The following PPAT variants were observed in gnomAD, a reference collection of about 807,000 sequenced individuals.
PPAT encodes amidophosphoribosyltransferase.
PPAT carries 20 observed loss-of-function variants against 60.2 expected under a neutral mutation model. The ratio of observed to expected loss-of-function variants is 0.33; its 90% CI spans 0.23 to 0.48. The LOEUF is 0.48. Ranked by LOEUF, PPAT falls within the 20% of genes least tolerant of loss-of-function variation. The probability of loss-of-function intolerance (pLI) is 0.99; values close to 1 mark genes in which losing one functional copy is unlikely to be tolerated. For synonymous variants in PPAT, 194 were observed against 215.1 expected (o/e 0.90, Z 0.86); for missense variants, 349 against 629.6 (o/e 0.55, Z 4.77).
At chr4:56,434,598 G>T (rs144298967) in intron 1 of PPAT, among the ~76,000 whole-genome samples, 44 of 152,264 alleles carry the variant, frequency 2.9e-4, no homozygotes, top group African/African-American at 1.0e-3. Flanking sequence ...TTGGCATAGA[G>T]ACACTACTCC....
chr4:56,430,978 T>C (rs1053381530), intron 1 of PPAT, among the ~76,000 whole-genome samples: 1 of 151,646 alleles, frequency 6.6e-6, no homozygotes, highest in Non-Finnish European at 1.5e-5. Context: ...TTCAGACTAA[T>C]GCAAAAAGCT....
At chr4:56,418,587 G>A (rs1262565894) in intron 1 of PPAT, among the ~76,000 whole-genome samples, 1 of 152,062 alleles carries the variant, frequency 6.6e-6, no homozygotes, top group African/African-American at 2.4e-5. Context: ...CCAAAGTACT[G>A]GGATTACAGG....
chr4:56,434,877 T>C (rs1717810393), intron 1 of PPAT, among the ~76,000 whole-genome samples: 2 of 152,230 alleles, frequency 1.3e-5, no homozygotes, highest in South Asian at 4.1e-4. Flanking sequence ...AGCTCTGCCC[T>C]TGCAAACAAA....
intron 1 of PPAT, among the ~76,000 whole-genome samples, chr4:56,415,898 C>T (rs555289248): frequency 3.3e-5 from 5 of 152,108 alleles, no homozygotes; most frequent in African/African-American, 7.2e-5. Flanking sequence ...GGTGAAACCT[C>T]GTGTCTACTA....
At chr4:56,428,813 C>T (rs957488262) in intron 1 of PPAT, 1 of 161,692 alleles carries the variant, frequency 6.2e-6, no homozygotes, top group African/African-American at 2.4e-5. Context: ...ATTCCTAATT[C>T]TTAACTCATT....
chr4:56,432,521 G>A, intron 1 of PPAT, among the ~76,000 whole-genome samples: 1 of 122,704 alleles, frequency 8.1e-6, no homozygotes, highest in Non-Finnish European at 1.6e-5. Context: ...GTGAGACCCT[G>A]TCTCAAAAAA....
intron 7 of PPAT, 49 bp downstream of exon 7, chr4:56,401,281 G>A (rs1256825161): frequency 5.4e-6 from 8 of 1,483,786 alleles, no homozygotes; most frequent in Non-Finnish European, 7.3e-6. Context: ...GTTTCAAGGA[G>A]ATAGCTAAAA....
chr4:56,429,356 G>GA (rs981568905), intron 1 of PPAT, among the ~76,000 whole-genome samples: 4 of 151,924 alleles, frequency 2.6e-5, no homozygotes, highest in East Asian at 1.9e-4. Context: ...GATGTAAAAA[G>GA]AAAAAAATCC....
chr4:56,416,430 T>C (rs538659446), intron 1 of PPAT: 39 of 705,668 alleles, frequency 5.5e-5, no homozygotes, highest in Non-Finnish European at 6.8e-5. Context: ...GTCAGACCAA[T>C]GGAACTAGGT....
intron 1 of PPAT, among the ~76,000 whole-genome samples, chr4:56,433,264 T>C (rs1043564279): frequency 1.3e-5 from 2 of 151,852 alleles, no homozygotes; most frequent in African/African-American, 4.8e-5. Flanking sequence ...TTTTCAGTAA[T>C]ACATTTGTTC....
intron 1 of PPAT, chr4:56,416,310 T>C (rs1262680375): frequency 2.2e-5 from 5 of 232,296 alleles, no homozygotes; most frequent in Non-Finnish European, 3.5e-5. Flanking sequence ...ATTAGAATTA[T>C]CAGTCATGTT....
intron 1 of PPAT, chr4:56,422,850 AG>A (rs958977401): frequency 1.3e-5 from 2 of 152,180 alleles, no homozygotes; most frequent in Non-Finnish European, 2.9e-5. Context: ...TTTTTCTCCA[AG>A]TGTAGCAGCA....
In PPAT at chr4:56,423,830, T is replaced by C. The variant is rs926243025; in HGVS notation, c.128+11520A>G. Reference sequence around the variant, plus strand: ...ACCCACAAGGATCTCAGCAGCTAAATACGTAAGAAAAAAACTTAAACAGGC... The same window carrying C: ...ACCCACAAGGATCTCAGCAGCTAAACACGTAAGAAAAAAACTTAAACAGGC... On this transcript the variant is annotated intron_variant, in intron 1 of 10. Coordinates refer to ENST00000264220, the MANE Select transcript of PPAT (RefSeq NM_002703.5). Among the ~76,000 whole-genome samples the C allele has an allele frequency of 5.3e-5, 8 of 152,222 alleles. 1 individual carries two copies. The highest frequency in any genetic ancestry group is 3.9e-4 in the East Asian group (2 of 5,176).
intron 1 of PPAT, among the ~76,000 whole-genome samples, chr4:56,432,121 TTC>T (rs1029914265): frequency 1.4e-4 from 22 of 152,210 alleles, no homozygotes; most frequent in Admixed American, 4.6e-4. Flanking sequence ...CTTCCAGGTA[TTC>T]TGTTAACCCC....
In PPAT at chr4:56,425,711, C is replaced by G. The variant is rs193102992; in HGVS notation, c.128+9639G>C. ...ATAGCTTCAGGATAGGGGGTAGTCA[C>G]CGAAAAAGACCGACCATGTGATGAG... is the stretch of plus-strand genomic sequence containing the variant. On this transcript the variant is annotated intron_variant, in intron 1 of 10. Transcript: ENST00000264220. 6.6e-5 allele frequency among the ~76,000 whole-genome samples: 10 copies of G among 152,202 alleles called. No homozygotes were observed. In the South Asian group the frequency reaches 8.3e-4, roughly 13 times the overall value.
In PPAT at chr4:56,435,506, T is replaced by G; in HGVS notation, c.-29A>C. ...GCCGCCGAAAGCACGTGGAAGGACCTGCCGCTGCGGCCAAGGTGTAAGCAC... is the reference window on the plus strand; with the variant it reads ...GCCGCCGAAAGCACGTGGAAGGACCGGCCGCTGCGGCCAAGGTGTAAGCAC... On this transcript the variant is annotated 5_prime_UTR_variant, in exon 1 of 11. Transcript: ENST00000264220. 6.2e-7 allele frequency: 1 copy of G among 1,612,586 alleles called. No individual in the cohort carries two copies. The highest frequency in any genetic ancestry group is 8.5e-7 in the Non-Finnish European group (1 of 1,179,932).
chr4:56,416,718 T>C (rs1025821654), intron 1 of PPAT, among the ~76,000 whole-genome samples: 4 of 152,194 alleles, frequency 2.6e-5, no homozygotes, highest in African/African-American at 7.2e-5. Flanking sequence ...GTAATGAACA[T>C]GATCACTTTA....
intron 1 of PPAT, chr4:56,422,883 C>A (rs931231347): frequency 2.0e-5 from 3 of 152,214 alleles, no homozygotes; most frequent in Admixed American, 6.5e-5. Context: ...TGAGAACTTA[C>A]TCAAAATGCA....
At chr4:56,403,434 G>A in intron 3 of PPAT, 33 bp from the exon 4 acceptor site, 1 of 1,530,638 alleles carries the variant, frequency 6.5e-7, no homozygotes, top group Admixed American at 1.7e-5. Context: ...TTAATCATCA[G>A]AGGGGAAGCT....
Sources: gnomAD v4.1 joint callset for allele counts (sites outside exome capture counted in the v4.1 genomes callset) on GRCh38, gnomAD v4.1.1 for gene constraint, MANE v1.5 for transcripts, NCBI Gene and HGNC (gene_info 2026-07-23, HGNC 2026-07-21) for gene names.